The following SLC24A4 variants were observed in gnomAD, a reference collection of about 807,000 sequenced individuals.
SLC24A4 encodes the protein solute carrier family 24 member 4.
SLC24A4 carries 53 observed loss-of-function variants against 79.0 expected under a neutral mutation model. The observed-to-expected ratio is 0.67, with a 90% CI of 0.54 to 0.84. The LOEUF (loss-of-function observed/expected upper bound fraction) is 0.84, where lower values mean the gene tolerates loss of function less well. Among genes scored for constraint, SLC24A4 ranks in the 40% least tolerant of loss-of-function variants. The pLI, the probability that SLC24A4 is intolerant of heterozygous loss-of-function variation, is 0.00. For synonymous variants in SLC24A4, 323 were observed against 323.8 expected (o/e 1.00, Z 0.03); for missense variants, 731 against 822.0 (o/e 0.89, Z 1.35).
In SLC24A4 at chr14:92,441,389, C is replaced by T. The variant is rs1892482831; in HGVS notation, c.394-700C>T. Among the ~76,000 whole-genome samples the T allele has an allele frequency of 6.6e-6, 1 of 152,194 alleles. No homozygotes were observed. The highest frequency in any genetic ancestry group is 2.4e-5 in the African/African-American group (1 of 41,432). On this transcript the variant is annotated intron_variant, in intron 4 of 16. Coordinates refer to ENST00000532405, the MANE Select transcript of SLC24A4 (RefSeq NM_153646.4). The surrounding 1 kb of genome is among the most constrained non-coding windows in gnomAD (Gnocchi z 4.6). Reference sequence around the variant, plus strand: ...GCAGAACAGGCCCCAACCATGAGTTCCCGTCCTGTCCCGTGCCAGCTTAAC... The same window carrying T: ...GCAGAACAGGCCCCAACCATGAGTTTCCGTCCTGTCCCGTGCCAGCTTAAC...
intron 2 of SLC24A4, among the ~76,000 whole-genome samples, chr14:92,351,112 C>G (rs528804235): frequency 1.3e-5 from 2 of 152,244 alleles, no homozygotes; most frequent in South Asian, 4.2e-4. Flanking sequence ...ATCTATGGTA[C>G]TTTGTTACAG....
chr14:92,448,761 G>A (rs976660518), intron 9 of SLC24A4, among the ~76,000 whole-genome samples: 3 of 152,168 alleles, frequency 2.0e-5, no homozygotes, highest in Non-Finnish European at 4.4e-5. Flanking sequence ...CAGAGGCGAG[G>A]CCGAGCTTCC....
At chr14:92,460,922 C>G (rs970036495) in intron 12 of SLC24A4, among the ~76,000 whole-genome samples, 1 of 152,160 alleles carries the variant, frequency 6.6e-6, no homozygotes, top group African/African-American at 2.4e-5. Context: ...CAGGTGGACA[C>G]CCAATACAGG....
At chr14:92,417,652 A>T (rs1035578882) in intron 2 of SLC24A4, among the ~76,000 whole-genome samples, 13 of 152,252 alleles carry the variant, frequency 8.5e-5, no homozygotes, top group Non-Finnish European at 1.8e-4. Flanking sequence ...CAGTCCTGCA[A>T]GCTCCATTTG....
chr14:92,323,791 TC>T lies in SLC24A4; in HGVS notation c.-36del, dbSNP rs765656721. On this transcript the variant is annotated 5_prime_UTR_variant, in exon 1 of 17. Coordinates refer to ENST00000532405, the MANE Select transcript of SLC24A4 (RefSeq NM_153646.4). The surrounding 1 kb of genome is among the most constrained non-coding windows in gnomAD (Gnocchi z 4.9). ...CTGATTGCACTCTGGCCGCTGAAGC[TC>T]CCCATCCTCTCCCAGAGACGGCACC... The T allele has an allele frequency of 2.0e-6, 3 of 1,534,932 alleles. No individual in the cohort carries two copies. The highest frequency in any genetic ancestry group is 2.7e-5 in the African/African-American group (2 of 73,228).
chr14:92,456,665 C>A, intron 12 of SLC24A4, 57 bp downstream of exon 12: 1 of 1,553,668 alleles, frequency 6.4e-7, no homozygotes, highest in Non-Finnish European at 8.8e-7. Context: ...CCATTAGGAC[C>A]AAGCCCAGGT....
intron 2 of SLC24A4, among the ~76,000 whole-genome samples, chr14:92,416,325 G>C (rs1287884697): frequency 6.6e-6 from 1 of 152,164 alleles, no homozygotes; most frequent in Non-Finnish European, 1.5e-5. Flanking sequence ...CGCTCTGTGT[G>C]CTCTACCCCA....
Position 92,414,671 on chromosome 14 carries a change from T to C in SLC24A4, c.242-19241T>C, listed in dbSNP as rs371781383. ...GGGAGGATTGCTTGATCCCGGGAGGTTGAGGCTGCAGTGAGCTGTGATCGC... is the reference window on the plus strand; with the variant it reads ...GGGAGGATTGCTTGATCCCGGGAGGCTGAGGCTGCAGTGAGCTGTGATCGC... On this transcript the variant is annotated intron_variant, in intron 2 of 16. Coordinates refer to ENST00000532405, the MANE Select transcript of SLC24A4 (RefSeq NM_153646.4). 4.6e-5 allele frequency among the ~76,000 whole-genome samples: 7 copies of C among 152,104 alleles called. No homozygotes were observed. In the East Asian group the frequency reaches 9.7e-4, roughly 21 times the overall value.
chr14:92,428,914 A>C (rs1348668697), intron 2 of SLC24A4, among the ~76,000 whole-genome samples: 1 of 152,252 alleles, frequency 6.6e-6, no homozygotes. Flanking sequence ...AAGTGAAAGA[A>C]GCCAGACTAA....
intron 12 of SLC24A4, among the ~76,000 whole-genome samples, chr14:92,466,151 G>C (rs4900125): frequency 6.6e-6 from 1 of 152,178 alleles, no homozygotes; most frequent in African/African-American, 2.4e-5. Flanking sequence ...GCTTGGACAA[G>C]TTACCTGACC....
rs541443068 is a variant in SLC24A4 at position 92,434,261 on chromosome 14, G to A, written c.318+273G>A. Among the ~76,000 whole-genome samples, 3 of 152,248 alleles carry A rather than the reference G, an allele frequency of 2.0e-5. No individual in the cohort carries two copies. The East Asian group carries it at 5.8e-4, about 29-fold the overall frequency. ...CTGCTTTTGTAAAACAGGGATGATG[G>A]TACCTATTACAGAGTGTGAATATGA... On this transcript the variant is annotated intron_variant, in intron 3 of 16. Coordinates refer to ENST00000532405, the MANE Select transcript of SLC24A4 (RefSeq NM_153646.4).
chr14:92,342,281 T>C (rs1595137977), intron 2 of SLC24A4, among the ~76,000 whole-genome samples: 1 of 138,848 alleles, frequency 7.2e-6, no homozygotes, highest in African/African-American at 2.6e-5. Flanking sequence ...CTAGTTAAAA[T>C]GCAGATACAG....
chr14:92,442,645 G>A, intron 5 of SLC24A4, 68 bp from the exon 6 acceptor site: 1 of 1,104,296 alleles, frequency 9.1e-7, no homozygotes, highest in Non-Finnish European at 1.4e-6. Context: ...TGTGAAAGGG[G>A]GACACTGAGG....
At chr14:92,437,501 C>T (rs1413891210) in intron 3 of SLC24A4, among the ~76,000 whole-genome samples, 1 of 152,240 alleles carries the variant, frequency 6.6e-6, no homozygotes, top group Admixed American at 6.5e-5. Context: ...TTTAAAACTG[C>T]TGATCTGTTC....
intron 2 of SLC24A4, among the ~76,000 whole-genome samples, chr14:92,405,436 C>T (rs560227801): frequency 1.3e-5 from 2 of 152,306 alleles, no homozygotes; most frequent in African/African-American, 4.8e-5. Flanking sequence ...TAGTGGCATA[C>T]AGTAGCAAAG....
chr14:92,431,885 G>T (rs759634652), intron 2 of SLC24A4, among the ~76,000 whole-genome samples: 18 of 152,234 alleles, frequency 1.2e-4, no homozygotes, highest in Non-Finnish European at 1.8e-4. Context: ...CACTTGGCCA[G>T]ACCGTCTCAG....
chr14:92,478,261 T>A (rs1229589903), intron 12 of SLC24A4, among the ~76,000 whole-genome samples: 4 of 152,262 alleles, frequency 2.6e-5, no homozygotes, highest in African/African-American at 4.8e-5. Flanking sequence ...TCATGTTATT[T>A]TATAGTTGTA....
intron 10 of SLC24A4, chr14:92,450,079 C>G (rs1385940435): frequency 6.6e-6 from 1 of 152,318 alleles, no homozygotes; most frequent in Admixed American, 6.5e-5. Context: ...CAGGTCTGAC[C>G]TCCACCCACA....
At chr14:92,416,122 G>GGTGTGTGTGTGTGTGTGTGT (rs34411259) in intron 2 of SLC24A4, among the ~76,000 whole-genome samples, 12 of 147,916 alleles carry the variant, frequency 8.1e-5, no homozygotes, top group African/African-American at 3.0e-4. Flanking sequence ...TTGTGTGTGT[G>GGTGTGTGTGTGTGTGTGTGT]GTGTGTGTGT....
Sources: gnomAD v4.1 joint callset for allele counts (sites outside exome capture counted in the v4.1 genomes callset) on GRCh38, gnomAD v4.1.1 for gene constraint, Gnocchi (gnomAD v3.1) non-coding constraint, MANE v1.5 for transcripts, NCBI Gene and HGNC (gene_info 2026-07-23, HGNC 2026-07-21) for gene names.